Variants in GABRA3 observed in about 807,000 individuals in gnomAD.
GABRA3 encodes the protein gamma-aminobutyric acid receptor subunit alpha-3.
GABRA3 carries 10 observed loss-of-function variants against 30.1 expected under a neutral mutation model. That is an observed-to-expected ratio of 0.33 (90% CI 0.20 to 0.56). The LOEUF is 0.56. Among genes scored for constraint, GABRA3 ranks in the 20% least tolerant of loss-of-function variants. The pLI is 0.89. For synonymous variants in GABRA3, 151 were observed against 146.8 expected, an observed-to-expected ratio of 1.03 and a Z score of -0.21; for missense variants, 233 against 392.0, an observed-to-expected ratio of 0.59 and a Z score of 3.42.
At chrX:152,310,804 A>G (rs1939788236) in intron 3 of GABRA3, among the ~76,000 whole-genome samples, 1 of 111,506 alleles carries the variant, frequency 9.0e-6, no homozygotes, top group Non-Finnish European at 1.9e-5. Context: ...TAAGACTGAA[A>G]GACCACTAAT....
chrX:152,208,168 A>G (rs1398523682), intron 6 of GABRA3, 24 bp from the exon 7 acceptor site: 1 of 1,197,082 alleles, frequency 8.4e-7, no homozygotes, highest in Admixed American at 2.2e-5. Flanking sequence ...GGGTCAATAA[A>G]GAGAAGTTGA....
At chrX:152,322,488 T>C (rs1939979598) in intron 3 of GABRA3, among the ~76,000 whole-genome samples, 1 of 111,933 alleles carries the variant, frequency 8.9e-6, no homozygotes, top group Admixed American at 9.5e-5. Context: ...CTTTTTATGT[T>C]ATGTGAATTT....
Position 152,406,596 on chromosome X carries a change from T to TATA in GABRA3, c.-26-42001_-26-42000insTAT, listed in dbSNP as rs1350603428. ...AATATATATATATATATATATATAT[T>TATA]TTTATATGGCAAATGTTATTAGAGC... On this transcript the variant is annotated intron_variant, in intron 1 of 9. Coordinates refer to ENST00000370314, the MANE Select transcript of GABRA3 (RefSeq NM_000808.4). 1.5e-4 allele frequency among the ~76,000 whole-genome samples: 14 copies of TATA among 90,980 alleles called. No individual in the cohort carries two copies. In the South Asian group the frequency reaches 5.4e-3, roughly 35 times the overall value. 79.0% of individuals were successfully genotyped at this position (90,980 alleles called of 115,157 possible).
At chrX:152,224,950 T>C (rs985401053) in intron 5 of GABRA3, 105 bp from the exon 6 acceptor site, 25 of 532,018 alleles carry the variant, frequency 4.7e-5, no homozygotes, top group Non-Finnish European at 6.6e-5. Context: ...TTTTTGTTTG[T>C]TTAAGTTCAC....
chrX:152,227,533 G>A (rs56355235), intron 5 of GABRA3, among the ~76,000 whole-genome samples: 2,362 of 104,016 alleles, frequency 0.023, 42 homozygotes, highest in Middle Eastern at 0.065. Context: ...AAAGTATAAT[G>A]ATAATAAATA....
intron 4 of GABRA3, among the ~76,000 whole-genome samples, chrX:152,275,046 G>T (rs1221970183): frequency 1.1e-5 from 1 of 90,611 alleles, no homozygotes; most frequent in African/African-American, 4.1e-5. Flanking sequence ...TTATTTATAG[G>T]ATATGAATAT....
At chrX:152,326,083 C>A (rs1940051730) in intron 3 of GABRA3, among the ~76,000 whole-genome samples, 1 of 110,734 alleles carries the variant, frequency 9.0e-6, no homozygotes, top group African/African-American at 3.3e-5. Flanking sequence ...CCGATTTGAT[C>A]AAGTGGAAGA....
intron 1 of GABRA3, among the ~76,000 whole-genome samples, chrX:152,392,794 T>C (rs1929527285): frequency 8.9e-6 from 1 of 112,369 alleles, no homozygotes; most frequent in African/African-American, 3.2e-5. Flanking sequence ...ACGTAGCATT[T>C]ATGCCAAAGG....
intron 1 of GABRA3, among the ~76,000 whole-genome samples, chrX:152,407,665 T>A (rs1252713545): frequency 9.0e-6 from 1 of 111,476 alleles, no homozygotes; most frequent in African/African-American, 3.3e-5. Context: ...AGAACTAACA[T>A]CAATTCTACT....
At chrX:152,360,725 T>TAAAAAAAAAAAAA (rs1569407654) in intron 2 of GABRA3, among the ~76,000 whole-genome samples, 2 of 50,791 alleles carry the variant, frequency 3.9e-5, no homozygotes, top group Non-Finnish European at 7.5e-5. Context: ...AAAAAAAAAA[T>TAAAAAAAAAAAAA]TAAAAAAAAA....
chrX:152,303,485 A>G (rs112623996), intron 3 of GABRA3, among the ~76,000 whole-genome samples: 19,336 of 111,038 alleles, frequency 0.17, 1,325 homozygotes, highest in African/African-American at 0.25. Context: ...AGGATTATAA[A>G]TCATTCTATT....
At chrX:152,275,309 TATATATA>T (rs1162607251) in intron 4 of GABRA3, among the ~76,000 whole-genome samples, 2 of 34,192 alleles carry the variant, frequency 5.8e-5, no homozygotes, top group East Asian at 9.5e-4. Context: ...TATATATAAA[TATATATA>T]ATATATAATA....
At chrX:152,210,901 C>T (rs764716523) in intron 6 of GABRA3, among the ~76,000 whole-genome samples, 66 of 110,903 alleles carry the variant, frequency 6.0e-4, no homozygotes, top group Admixed American at 1.2e-3. Flanking sequence ...TTCTCAGAAC[C>T]CTTCTCATAC....
chrX:152,235,710 G>A (rs923185357), intron 5 of GABRA3, among the ~76,000 whole-genome samples: 1 of 111,426 alleles, frequency 9.0e-6, no homozygotes, highest in African/African-American at 3.3e-5. Flanking sequence ...AGAAATTGAA[G>A]ACACAAATAA....
At chrX:152,237,430 C>G (rs368936597) in intron 5 of GABRA3, among the ~76,000 whole-genome samples, 18,603 of 93,464 alleles carry the variant, frequency 0.2, 2,515 homozygotes, top group African/African-American at 0.33. Context: ...CAGGTAGTGT[C>G]ATGCCTCCAG....
At chrX:152,414,780 A>C (rs1195859908) in intron 1 of GABRA3, among the ~76,000 whole-genome samples, 1 of 109,320 alleles carries the variant, frequency 9.1e-6, no homozygotes, top group Admixed American at 9.8e-5. Flanking sequence ...CTTGGAAGCA[A>C]CCAAGATGAC....
chrX:152,443,854 T>C (rs909797856), intron 1 of GABRA3, among the ~76,000 whole-genome samples: 1 of 111,823 alleles, frequency 8.9e-6, no homozygotes, highest in Non-Finnish European at 1.9e-5. Context: ...ATGGTAGAAA[T>C]TGAAAACTGA....
At chrX:152,223,301 C>T (rs1239997897) in intron 6 of GABRA3, among the ~76,000 whole-genome samples, 1 of 111,633 alleles carries the variant, frequency 9.0e-6, no homozygotes, top group Non-Finnish European at 1.9e-5. Flanking sequence ...CAACTCTGTC[C>T]TACCCAGAAA....
intron 1 of GABRA3, among the ~76,000 whole-genome samples, chrX:152,433,588 G>A (rs1451028919): frequency 9.3e-6 from 1 of 107,988 alleles, no homozygotes; most frequent in African/African-American, 3.4e-5. Context: ...AAACTCAATG[G>A]TTTAAAATTC....
Sources: gnomAD v4.1 joint callset for allele counts (sites outside exome capture counted in the v4.1 genomes callset) on GRCh38, gnomAD v4.1.1 for gene constraint, MANE v1.5 for transcripts, NCBI Gene and HGNC (gene_info 2026-07-23, HGNC 2026-07-21) for gene names.